PDE4B: variants seen among roughly 807,000 people sequenced by gnomAD.
The protein encoded by PDE4B is phosphodiesterase 4B, also known as 3',5'-cyclic-AMP phosphodiesterase 4B.
A neutral mutation model predicts 82.2 loss-of-function variants in PDE4B; 20 were observed. The observed-to-expected ratio is 0.24, with a 90% CI of 0.17 to 0.35. The LOEUF is 0.35. PDE4B is among the 10% of genes least tolerant of loss of function. The pLI is 1.00. For synonymous variants in PDE4B, 320 were observed against 318.9 expected (o/e 1.00, Z -0.04); for missense variants, 655 against 907.2 (o/e 0.72, Z 3.57).
intron 3 of PDE4B, among the ~76,000 whole-genome samples, 190 bp from the exon 4 acceptor site, chr1:66,247,270 C>T (rs1424891081): frequency 2.0e-5 from 3 of 152,142 alleles, no homozygotes; most frequent in Non-Finnish European, 4.4e-5. Context: ...ACTCAGTTTC[C>T]TATACATAAC....
intron 3 of PDE4B, among the ~76,000 whole-genome samples, chr1:66,168,021 AAG>A (rs907970365): frequency 3.3e-5 from 5 of 152,204 alleles, no homozygotes; most frequent in Non-Finnish European, 5.9e-5. Context: ...CTTTTCCTGT[AAG>A]AGAGTTACCT....
intron 1 of PDE4B, among the ~76,000 whole-genome samples, chr1:65,904,479 A>G (rs1224194327): frequency 1.3e-5 from 2 of 152,172 alleles, no homozygotes; most frequent in Non-Finnish European, 2.9e-5. Context: ...ATGAGATTAC[A>G]TGAAAGAGTA....
At chr1:65,796,835 G>A (rs1645636861) in intron 1 of PDE4B, among the ~76,000 whole-genome samples, 1 of 151,766 alleles carries the variant, frequency 6.6e-6, no homozygotes, top group Admixed American at 6.6e-5. Flanking sequence ...ATTTTTAGTG[G>A]AGAAGCGGTT....
intron 7 of PDE4B, among the ~76,000 whole-genome samples, chr1:66,302,000 A>G (rs1440445223): frequency 6.6e-6 from 1 of 152,178 alleles, no homozygotes; most frequent in Non-Finnish European, 1.5e-5. Flanking sequence ...CTCTCAAACC[A>G]CAGAGGTTTG....
intron 1 of PDE4B, among the ~76,000 whole-genome samples, chr1:65,838,591 G>A (rs1557772453): frequency 6.8e-6 from 1 of 147,240 alleles, no homozygotes; most frequent in African/African-American, 2.5e-5. Flanking sequence ...GTATATATAT[G>A]TATATGTATC....
chr1:65,891,932 T>C (rs1646857117), intron 1 of PDE4B, among the ~76,000 whole-genome samples: 1 of 152,124 alleles, frequency 6.6e-6, no homozygotes, highest in Non-Finnish European at 1.5e-5. Context: ...TGATCCATGA[T>C]GTCAGGCCCA....
intron 3 of PDE4B, among the ~76,000 whole-genome samples, chr1:65,954,769 G>A (rs1051303760): frequency 9.2e-5 from 14 of 151,844 alleles, no homozygotes; most frequent in Non-Finnish European, 1.6e-4. Flanking sequence ...CAGTCTGCAG[G>A]TTCTCATTTG....
At chr1:66,053,714 C>A (rs899177343) in intron 3 of PDE4B, among the ~76,000 whole-genome samples, 8 of 151,982 alleles carry the variant, frequency 5.3e-5, no homozygotes, top group African/African-American at 1.9e-4. Context: ...AAAAAATTGG[C>A]CGGGGGTGGT....
intron 7 of PDE4B, among the ~76,000 whole-genome samples, chr1:66,272,140 C>T (rs562136548): frequency 2.0e-5 from 3 of 152,162 alleles, no homozygotes; most frequent in Non-Finnish European, 4.4e-5. Flanking sequence ...CTGCCTGCCT[C>T]GAGCCTGGTC....
At chr1:66,150,135 A>T (rs1286210938) in intron 3 of PDE4B, among the ~76,000 whole-genome samples, 1 of 152,130 alleles carries the variant, frequency 6.6e-6, no homozygotes, top group Non-Finnish European at 1.5e-5. Context: ...TGCTAGTATC[A>T]CACTGTCTTA....
chr1:65,996,660 A>C (rs978983799), intron 3 of PDE4B, among the ~76,000 whole-genome samples: 2 of 152,190 alleles, frequency 1.3e-5, no homozygotes, highest in Non-Finnish European at 2.9e-5. Flanking sequence ...AAGTATTTTG[A>C]ATTGCTCTAG....
chr1:66,362,516 G>A (rs937233232), intron 10 of PDE4B, among the ~76,000 whole-genome samples: 64 of 152,170 alleles, frequency 4.2e-4, no homozygotes, highest in Non-Finnish European at 4.4e-5. Context: ...TGGAGAGCCT[G>A]GATCTCTTAC....
intron 3 of PDE4B, among the ~76,000 whole-genome samples, chr1:66,120,555 CATTTTTTA>C (rs1241816270): frequency 6.6e-6 from 1 of 152,012 alleles, no homozygotes; most frequent in African/African-American, 2.4e-5. Context: ...TTGCCTGTAC[CATTTTTTA>C]ATTTTTTAAT....
chr1:66,188,860 A>G (rs545499328), intron 3 of PDE4B, among the ~76,000 whole-genome samples: 6 of 152,124 alleles, frequency 3.9e-5, no homozygotes, highest in Admixed American at 3.9e-4. Flanking sequence ...GTTATGTGTG[A>G]ATTTGATCCT....
chr1:66,365,927 A>G (rs929564832), intron 13 of PDE4B, among the ~76,000 whole-genome samples, 161 bp downstream of exon 13: 1 of 152,188 alleles, frequency 6.6e-6, no homozygotes, highest in African/African-American at 2.4e-5. Context: ...ACTCAGTCCA[A>G]TCTGGCAACA....
chr1:66,318,739 T>C (rs1241430810), intron 7 of PDE4B, among the ~76,000 whole-genome samples: 2 of 152,196 alleles, frequency 1.3e-5, no homozygotes, highest in Non-Finnish European at 2.9e-5. Flanking sequence ...ATATGCAAAA[T>C]AGTTAACATG....
chr1:66,361,818 C>T, intron 10 of PDE4B, 25 bp downstream of exon 10: 1 of 1,581,036 alleles, frequency 6.3e-7, no homozygotes, highest in East Asian at 2.2e-5. Flanking sequence ...AGGTTTTGTG[C>T]ATGTAGCTCT....
intron 3 of PDE4B, among the ~76,000 whole-genome samples, chr1:66,006,955 A>T (rs1652184879): frequency 6.6e-6 from 1 of 151,916 alleles, no homozygotes; most frequent in Non-Finnish European, 1.5e-5. Context: ...TGAGACTCCC[A>T]TCTCTACAAA....
chr1:66,248,485 A>G lies in PDE4B; in HGVS notation c.476+831A>G, dbSNP rs1471763751. On this transcript the variant is annotated intron_variant, in intron 4 of 16. Transcript: ENST00000341517. ...AGTCAAAAATTTCACCCTCTGGTGAAAGGGGGAATTTTGAAGCTACCAGCA... is the reference window on the plus strand; with the variant it reads ...AGTCAAAAATTTCACCCTCTGGTGAGAGGGGGAATTTTGAAGCTACCAGCA... Among the ~76,000 whole-genome samples, 3 of 152,180 alleles carry G rather than the reference A, an allele frequency of 2.0e-5. No homozygotes were observed. The East Asian group carries it at 5.8e-4, about 29-fold the overall frequency.
Sources: allele counts gnomAD v4.1 joint callset (sites outside exome capture counted in the v4.1 genomes callset), GRCh38; gene constraint gnomAD v4.1.1; transcripts MANE v1.5; gene names NCBI Gene and HGNC (gene_info 2026-07-23, HGNC 2026-07-21).